Variants in PRMT3 observed in about 807,000 individuals in gnomAD.
PRMT3 encodes protein arginine methyltransferase 3.
In PRMT3, 62 loss-of-function variants were observed where a neutral mutation model predicts 71.9. The observed-to-expected ratio is 0.86, with a 90% confidence interval of 0.70 to 1.07. PRMT3 has a LOEUF of 1.07. PRMT3 is among the 50% of genes least tolerant of loss of function. The pLI is 0.00. For synonymous variants in PRMT3, 213 were observed against 220.4 expected (o/e 0.97, Z 0.30); for missense variants, 663 against 643.0 (o/e 1.03, Z -0.34).
chr11:20,412,217 T>C (rs1441055446), intron 9 of PRMT3, among the ~76,000 whole-genome samples: 8 of 152,160 alleles, frequency 5.3e-5, no homozygotes, highest in African/African-American at 1.9e-4. Flanking sequence ...TAGACCTTTT[T>C]GTCTTACCTC....
intron 11 of PRMT3, among the ~76,000 whole-genome samples, chr11:20,457,452 T>C (rs1284068721): frequency 6.6e-6 from 1 of 152,216 alleles, no homozygotes; most frequent in African/African-American, 2.4e-5. Flanking sequence ...AGACCAGGTA[T>C]TTATTTGGGC....
At chr11:20,429,326 A>G (rs1849608352) in intron 10 of PRMT3, among the ~76,000 whole-genome samples, 1 of 152,164 alleles carries the variant, frequency 6.6e-6, no homozygotes, top group South Asian at 2.1e-4. Flanking sequence ...GCCACTGCTG[A>G]TCTGACAGGA....
In PRMT3 at chr11:20,392,932, C is replaced by T. The variant is rs1438585057; in HGVS notation, c.333C>T (p.Asn111=). The T allele has an allele frequency of 6.2e-7, 1 of 1,606,076 alleles. No individual in the cohort carries two copies. The highest frequency in any genetic ancestry group is 1.3e-5 in the African/African-American group (1 of 74,822). ...PTVEYMNSIY[N]PVPWEKEEYL... is the part of the protein sequence containing the mutation. ...TTGAGTACATGAATTCCATATACAA[C>T]CCAGTGCCTTGGGAGAAAGAAGAGT... is the stretch of plus-strand genomic sequence containing the variant. Residue 111 remains asparagine, a synonymous_variant, in exon 5 of 16, where the codon AAC becomes AAT. Coordinates refer to ENST00000331079, the MANE Select transcript of PRMT3 (RefSeq NM_005788.4).
intron 13 of PRMT3, among the ~76,000 whole-genome samples, chr11:20,486,681 A>C (rs1042853228): frequency 2.6e-5 from 4 of 152,172 alleles, no homozygotes; most frequent in Non-Finnish European, 5.9e-5. Context: ...AAGAAATTGT[A>C]ATGATGACAT....
intron 13 of PRMT3, among the ~76,000 whole-genome samples, chr11:20,472,122 A>G (rs902942200): frequency 6.6e-6 from 1 of 152,166 alleles, no homozygotes; most frequent in African/African-American, 2.4e-5. Flanking sequence ...AGTTTTCTAG[A>G]TACAGGATCA....
intron 9 of PRMT3, among the ~76,000 whole-genome samples, chr11:20,413,994 A>G (rs1307610799): frequency 6.6e-6 from 1 of 152,128 alleles, no homozygotes; most frequent in Non-Finnish European, 1.5e-5. Context: ...TTTAAATTCT[A>G]AAAGATAGAT....
At chr11:20,476,112 G>A (rs1288107793) in intron 13 of PRMT3, among the ~76,000 whole-genome samples, 1 of 152,058 alleles carries the variant, frequency 6.6e-6, no homozygotes, top group South Asian at 2.1e-4. Flanking sequence ...CACTTTGGGA[G>A]GCCGAGGCGA....
chr11:20,465,812 C>T (rs1590084919), intron 13 of PRMT3, among the ~76,000 whole-genome samples: 2 of 151,972 alleles, frequency 1.3e-5, no homozygotes, highest in African/African-American at 4.8e-5. Context: ...TCTAATTCTG[C>T]TTTTTAGTAA....
intron 13 of PRMT3, among the ~76,000 whole-genome samples, chr11:20,493,222 T>A (rs1285014388): frequency 6.6e-6 from 1 of 152,150 alleles, no homozygotes; most frequent in African/African-American, 2.4e-5. Context: ...ACATAAGATT[T>A]GAGTACTACT....
At chr11:20,419,152 G>A (rs1450573130) in intron 9 of PRMT3, among the ~76,000 whole-genome samples, 1 of 152,188 alleles carries the variant, frequency 6.6e-6, no homozygotes, top group Admixed American at 6.5e-5. Flanking sequence ...CCTATAGTAT[G>A]TAACAGTTGT....
chr11:20,497,275 C>G (rs1027978877), intron 15 of PRMT3, among the ~76,000 whole-genome samples: 1 of 152,128 alleles, frequency 6.6e-6, no homozygotes, highest in African/African-American at 2.4e-5. Flanking sequence ...GTGCTTTGCT[C>G]TTAGGTATTT....
At chr11:20,416,110 T>G (rs1270170794) in intron 9 of PRMT3, among the ~76,000 whole-genome samples, 1 of 152,176 alleles carries the variant, frequency 6.6e-6, no homozygotes, top group Non-Finnish European at 1.5e-5. Flanking sequence ...ATCTCTCACC[T>G]GAATTAATGC....
intron 7 of PRMT3, among the ~76,000 whole-genome samples, chr11:20,401,661 A>T (rs1848952476): frequency 6.6e-6 from 1 of 152,200 alleles, no homozygotes; most frequent in Non-Finnish European, 1.5e-5. Flanking sequence ...TTAAAACTAG[A>T]ATTCCCATTC....
intron 9 of PRMT3, among the ~76,000 whole-genome samples, chr11:20,408,549 T>A (rs1319180764): frequency 1.3e-5 from 2 of 152,194 alleles, no homozygotes; most frequent in African/African-American, 4.8e-5. Context: ...CTAAAACTTT[T>A]ATTCTCTAAA....
At chr11:20,411,500 CTT>C (rs1456144140) in intron 9 of PRMT3, among the ~76,000 whole-genome samples, 10 of 152,022 alleles carry the variant, frequency 6.6e-5, no homozygotes, top group African/African-American at 2.4e-4. Flanking sequence ...TATCTAGAAT[CTT>C]TGCTTGAGTG....
chr11:20,494,972 G>A (rs189547560), intron 15 of PRMT3, among the ~76,000 whole-genome samples: 2 of 152,270 alleles, frequency 1.3e-5, no homozygotes, highest in Admixed American at 1.3e-4. Flanking sequence ...GCTTATGCCT[G>A]TAATAAGCCA....
chr11:20,476,895 T>C (rs1850803429), intron 13 of PRMT3, among the ~76,000 whole-genome samples: 1 of 152,180 alleles, frequency 6.6e-6, no homozygotes, highest in East Asian at 1.9e-4. Flanking sequence ...GGGTCACATT[T>C]TTCAGTTTGT....
At chr11:20,415,017 GGTGTGTGTGTGTGT>G (rs377570784) in intron 9 of PRMT3, among the ~76,000 whole-genome samples, 250 of 135,428 alleles carry the variant, frequency 1.8e-3, no homozygotes, top group African/African-American at 6.3e-3. Flanking sequence ...TGGTGGTAGT[GGTGTGTGTGTGTGT>G]GTGTGTGTGT....
intron 5 of PRMT3, among the ~76,000 whole-genome samples, chr11:20,395,136 A>G (rs922594646): frequency 5.3e-5 from 8 of 152,190 alleles, no homozygotes; most frequent in African/African-American, 1.9e-4. Flanking sequence ...ATAAAACAAG[A>G]TGTAATGATG....
Sources: gnomAD v4.1 joint callset for allele counts (sites outside exome capture counted in the v4.1 genomes callset) on GRCh38, gnomAD v4.1.1 for gene constraint, MANE v1.5 for transcripts, NCBI Gene and HGNC (gene_info 2026-07-23, HGNC 2026-07-21) for gene names.